The following PIWIL2 variants were observed in gnomAD, a reference collection of about 807,000 sequenced individuals.
The protein encoded by PIWIL2 is piwi like RNA-mediated gene silencing 2.
In PIWIL2, 81 loss-of-function variants were observed where a neutral mutation model predicts 116.5. The observed-to-expected ratio is 0.70, with a 90% CI of 0.58 to 0.84. The LOEUF (loss-of-function observed/expected upper bound fraction) is 0.84, where lower values mean the gene tolerates loss of function less well. Among genes scored for constraint, PIWIL2 ranks in the 40% least tolerant of loss-of-function variants. The pLI is 0.00. For missense variants in PIWIL2, 1,272 were observed against 1,212.3 expected (o/e 1.05, Z -0.73); for synonymous variants, 489 against 429.5 (o/e 1.14, Z -1.71).
chr8:22,322,954 G>C (rs375356726), intron 20 of PIWIL2, among the ~76,000 whole-genome samples: 24 of 152,016 alleles, frequency 1.6e-4, no homozygotes, highest in African/African-American at 5.6e-4. Context: ...GTCTCTCTCT[G>C]TTGCCAGGCT....
rs780617939 is a variant in PIWIL2, at chr8:22,315,004, A to C, written c.2092-25A>C. 3 of 1,325,412 alleles carry C rather than the reference A, an allele frequency of 2.3e-6. No individual in the cohort carries two copies. In the African/African-American group the frequency reaches 4.3e-5, roughly 19 times the overall value. The allele number at this position is 1,325,412 out of a possible 1,614,324, so 82.1% of individuals were successfully genotyped here. A position where few individuals can be genotyped will look rare whatever the true frequency, so the allele number is the denominator to read the frequency against. ...GGTTGATAGTGACCTGCTTCTCCTG[A>C]CACCTTTTGGTCCCTTCATTATAGG... On this transcript the variant is annotated intron_variant, in intron 17 of 22. Coordinates refer to ENST00000356766, the MANE Select transcript of PIWIL2 (RefSeq NM_018068.5).
intron 10 of PIWIL2, among the ~76,000 whole-genome samples, chr8:22,300,619 C>T (rs899295224): frequency 6.6e-6 from 1 of 152,188 alleles, no homozygotes; most frequent in Non-Finnish European, 1.5e-5. Context: ...TTCCCACTAG[C>T]AGTGCCTGAG....
chr8:22,311,214 C>T lies in PIWIL2; in HGVS notation c.1903C>T (p.Arg635Cys), dbSNP rs546657162. 7.5e-5 allele frequency: 121 copies of T among 1,614,064 alleles called. 1 individual carries two copies. The East Asian group carries it at 1.6e-3, about 21-fold the overall frequency. ...GAAGATAGCCGGCCCCATTGGCATG[C>T]GTATGAGCCCACCGGCCTGGGTTGA... ...LEKIAGPIGM[R>C]MSPPAWVELK... The change falls in exon 16 of 23, where the codon CGT becomes TGT. Residue 635 changes from arginine to cysteine, a missense_variant. Physicochemically the swap from Arg to Cys is radical, Grantham distance 180 (BLOSUM62 -3). Transcript: ENST00000356766.
intron 1 of PIWIL2, among the ~76,000 whole-genome samples, chr8:22,276,947 A>G (rs1445658145): frequency 1.3e-5 from 2 of 152,144 alleles, no homozygotes; most frequent in Non-Finnish European, 2.9e-5. Flanking sequence ...TTTTTCAGGA[A>G]TCAGGGGCAA....
chr8:22,287,398 A>T, intron 6 of PIWIL2, 130 bp from the exon 7 acceptor site: 1 of 707,362 alleles, frequency 1.4e-6, no homozygotes, highest in Admixed American at 1.9e-5. Flanking sequence ...AGTTCTAGGC[A>T]GATAGATAAT....
intron 20 of PIWIL2, among the ~76,000 whole-genome samples, chr8:22,320,031 C>T (rs1042616849): frequency 6.6e-6 from 1 of 151,992 alleles, no homozygotes; most frequent in African/African-American, 2.4e-5. Flanking sequence ...GGCACAATCT[C>T]GGCTCACTGC....
intron 20 of PIWIL2, among the ~76,000 whole-genome samples, chr8:22,351,598 T>C (rs1386645124): frequency 2.0e-5 from 3 of 148,156 alleles, no homozygotes; most frequent in Admixed American, 6.7e-5. Flanking sequence ...AGTGCAGTGG[T>C]GCAATCTTGG....
rs1332292005 is a variant in PIWIL2, at chr8:22,304,108, C to T, written c.1269C>T (p.Asn423=). 1.3e-5 allele frequency: 21 copies of T among 1,611,428 alleles called. No homozygotes were observed. The highest frequency in any genetic ancestry group is 1.8e-5 in the Non-Finnish European group (21 of 1,177,658). The change falls in exon 11 of 23, where the codon AAC becomes AAT. Residue 423 remains asparagine, a synonymous_variant. Coordinates refer to ENST00000356766, the MANE Select transcript of PIWIL2 (RefSeq NM_018068.5). Reference sequence around the variant, plus strand: ...GCAATATTGTTATCACCCGATATAACAATCGTACCTATCGTATTGATGATG... The same window carrying T: ...GCAATATTGTTATCACCCGATATAATAATCGTACCTATCGTATTGATGATG... ...LVGNIVITRY[N]NRTYRIDDVD...
rs796364914 is a variant in PIWIL2, at chr8:22,279,573, C to T, written c.187C>T (p.Pro63Ser). 6 of 1,613,922 alleles carry T rather than the reference C, an allele frequency of 3.7e-6. No individual in the cohort carries two copies. Among genetic ancestry groups the T allele is most frequent in the Non-Finnish European group, 5.1e-6 (6 of 1,179,826 alleles). The change falls in exon 2 of 23, where the codon CCA becomes TCA. Residue 63 changes from proline (P) to serine (S), a missense_variant. Physicochemically the swap from Pro to Ser is moderately conservative, Grantham distance 74. Transcript: ENST00000356766. The part of the protein sequence containing the change: ...KPEEPSTQRG[P>S]AQRESVGLVS... The stretch of plus-strand genomic sequence containing the variant: ...AGAGGAACCAAGCACACAGAGGGGG[C>T]CAGCACAAAGGGTAAGACCACTTCC...
intron 6 of PIWIL2, among the ~76,000 whole-genome samples, chr8:22,287,262 T>C (rs1300801597): frequency 6.6e-6 from 1 of 152,180 alleles, no homozygotes; most frequent in Non-Finnish European, 1.5e-5. Flanking sequence ...CAAATGTGTA[T>C]ATATGAAAGA....
At chr8:22,351,440 C>CATAT (rs71544885) in intron 20 of PIWIL2, among the ~76,000 whole-genome samples, 1,150 of 52,374 alleles carry the variant, frequency 0.022, 37 homozygotes, top group Non-Finnish European at 0.028. Context: ...TGCATACATA[C>CATAT]ATATATATAT....
At chr8:22,285,639 T>C (rs1266631795) in intron 6 of PIWIL2, among the ~76,000 whole-genome samples, 2 of 152,050 alleles carry the variant, frequency 1.3e-5, no homozygotes, top group Non-Finnish European at 2.9e-5. Flanking sequence ...ACTTCCATAC[T>C]ATTTCTTTTT....
chr8:22,319,431 C>T (rs907132294), intron 20 of PIWIL2, among the ~76,000 whole-genome samples: 3 of 152,116 alleles, frequency 2.0e-5, no homozygotes, highest in African/African-American at 7.2e-5. Flanking sequence ...CTTCTAATAC[C>T]TATCTGTGAA....
At chr8:22,309,048 A>G (rs1351826721) in intron 14 of PIWIL2, among the ~76,000 whole-genome samples, 1 of 147,182 alleles carries the variant, frequency 6.8e-6, no homozygotes, top group African/African-American at 2.5e-5. Flanking sequence ...TGCAACCTCC[A>G]CCTCCCAGGT....
intron 20 of PIWIL2, among the ~76,000 whole-genome samples, chr8:22,322,693 AC>A (rs1033464999): frequency 7.2e-5 from 11 of 151,790 alleles, no homozygotes; most frequent in African/African-American, 2.7e-4. Flanking sequence ...GGCACATGCC[AC>A]CACACCCAGC....
intron 20 of PIWIL2, among the ~76,000 whole-genome samples, chr8:22,327,024 C>CTTTTTTTTTTT (rs71544876): frequency 2.8e-5 from 3 of 105,468 alleles, no homozygotes; most frequent in Admixed American, 1.2e-4. Flanking sequence ...TGTTTTTTTA[C>CTTTTTTTTTTT]TTTTTTTTTT....
Position 22,318,266 on chromosome 8 carries a change from GT to G in PIWIL2, c.2398del (p.Tyr800MetfsTer3). On this transcript the variant is annotated frameshift_variant, in exon 20 of 23. Transcript: ENST00000356766. LOFTEE classifies it high-confidence loss of function. ...TATGCCTCGTGGGCTCCTTAAAAAA[GT>G]TTTATGAGGTGAGGAGAACAGAAAT... Reference protein sequence around the residue: ...KLCLVGSLKKFYEVNHCLPEK... With the variant: ...KLCLVGSLKKXYEVNHCLPEK... 1 of 1,566,372 alleles carries G rather than the reference GT, an allele frequency of 6.4e-7. No individual in the cohort carries two copies. Among genetic ancestry groups the G allele is most frequent in the African/African-American group, 1.4e-5 (1 of 73,904 alleles).
intron 20 of PIWIL2, chr8:22,321,935 TCCAAAGC>T (rs1180507859): frequency 2.0e-6 from 2 of 985,018 alleles, no homozygotes; most frequent in Non-Finnish European, 2.4e-6. Flanking sequence ...GGCTCGCTAG[TCCAAAGC>T]CCATTTTCTC....
chr8:22,339,875 A>G (rs1832067657), intron 20 of PIWIL2, among the ~76,000 whole-genome samples: 1 of 152,120 alleles, frequency 6.6e-6, no homozygotes, highest in Non-Finnish European at 1.5e-5. Context: ...GAAGCTAAAT[A>G]TCATTTGTCA....
Sources: allele counts gnomAD v4.1 joint callset (sites outside exome capture counted in the v4.1 genomes callset), GRCh38; gene constraint gnomAD v4.1.1; transcripts MANE v1.5; gene names NCBI Gene and HGNC (gene_info 2026-07-23, HGNC 2026-07-21).